Variants in KIAA1217 observed in about 807,000 individuals in gnomAD.
KIAA1217 encodes the protein sickle tail protein homolog.
A neutral mutation model predicts 163.9 loss-of-function variants in KIAA1217; 88 were observed. The ratio of observed to expected loss-of-function variants is 0.54; its 90% CI spans 0.45 to 0.64. The LOEUF (loss-of-function observed/expected upper bound fraction) is 0.64, where lower values mean the gene tolerates loss of function less well. Among genes scored for constraint, KIAA1217 ranks in the 30% least tolerant of loss-of-function variants. The probability of loss-of-function intolerance (pLI) is 0.00; values close to 1 mark genes in which losing one functional copy is unlikely to be tolerated. For synonymous variants in KIAA1217, 903 were observed against 923.1 expected, an observed-to-expected ratio of 0.98 and a Z score of 0.39; for missense variants, 2,372 against 2,475.0, an observed-to-expected ratio of 0.96 and a Z score of 0.88.
chr10:24,261,227 G>A (rs755475341), intron 2 of KIAA1217, among the ~76,000 whole-genome samples: 6 of 152,104 alleles, frequency 3.9e-5, no homozygotes, highest in Non-Finnish European at 7.3e-5. Context: ...GCCAGGTGTG[G>A]TGGCTCATGA....
intron 1 of KIAA1217, among the ~76,000 whole-genome samples, chr10:23,778,684 A>G (rs1835115348): frequency 6.6e-6 from 1 of 152,182 alleles, no homozygotes; most frequent in Non-Finnish European, 1.5e-5. Flanking sequence ...TTTGGGGCCA[A>G]TTGCTATAGA....
At chr10:24,335,584 T>TTTTATTTA (rs58982993) in intron 2 of KIAA1217, among the ~76,000 whole-genome samples, 37,800 of 138,166 alleles carry the variant, frequency 0.27, 5,621 homozygotes, top group East Asian at 0.41. Context: ...TTTTATCTTA[T>TTTTATTTA]TTTATTTATT....
At position 24,521,921 on chromosome 10, in the gene KIAA1217, G is replaced by T; in HGVS notation, c.2448G>T (p.Met816Ile). Residue 816 changes from methionine to isoleucine, a missense_variant, in exon 12 of 21, where the codon ATG becomes ATT. Around this residue, in one of 3 missense-constraint regions of KIAA1217, gnomAD observed 1,431 missense variants for 1,470.3 expected, o/e 0.97. Coordinates refer to ENST00000376454, the MANE Select transcript of KIAA1217 (RefSeq NM_019590.5). ...RVRSMTDVLT[M>I]LRRHVTDGLL... is the part of the protein sequence containing the mutation. ...GCAGCATGACAGACGTCCTGACCAT[G>T]CTGCGGAGGTGACCGGGCCCTCATC... 6.2e-7 allele frequency: 1 copy of T among 1,607,562 alleles called. No homozygotes were observed.
At chr10:23,803,230 T>C (rs965242093) in intron 1 of KIAA1217, among the ~76,000 whole-genome samples, 7 of 152,186 alleles carry the variant, frequency 4.6e-5, no homozygotes, top group African/African-American at 1.7e-4. Context: ...GATTCATAAA[T>C]CTCTTGTAGT....
rs75288712 is a variant in KIAA1217 at position 24,235,107 on chromosome 10, C to T, written c.354+15198C>T. On this transcript the variant is annotated intron_variant, in intron 2 of 20. Transcript: ENST00000376454. ...CTTTGGGGGACCTCAGTCTTTGCTT[C>T]TAAGGTCTTCAACTGATTAAATGAG... 3.9e-3 allele frequency among the ~76,000 whole-genome samples: 588 copies of T among 152,304 alleles called. 9 individuals are homozygous for T. In the East Asian group the frequency reaches 0.053, roughly 14 times the overall value.
intron 1 of KIAA1217, among the ~76,000 whole-genome samples, chr10:23,744,971 C>A (rs1839316805): frequency 1.3e-5 from 2 of 152,102 alleles, no homozygotes; most frequent in Non-Finnish European, 2.9e-5. Flanking sequence ...CTGCTGTATT[C>A]AAAGTTCACT....
At chr10:24,457,312 G>A (rs537290552) in intron 5 of KIAA1217, among the ~76,000 whole-genome samples, 1 of 150,534 alleles carries the variant, frequency 6.6e-6, no homozygotes, top group Non-Finnish European at 1.5e-5. Flanking sequence ...AGCTCTTGGT[G>A]CTAATCAAGA....
chr10:23,753,377 C>T (rs1312264675), intron 1 of KIAA1217, among the ~76,000 whole-genome samples: 1 of 152,176 alleles, frequency 6.6e-6, no homozygotes, highest in Non-Finnish European at 1.5e-5. Flanking sequence ...GAGCTTTGCA[C>T]TGTACGAAGC....
intron 2 of KIAA1217, among the ~76,000 whole-genome samples, chr10:24,117,239 G>A (rs1422293087): frequency 6.6e-6 from 1 of 152,108 alleles, no homozygotes; most frequent in Non-Finnish European, 1.5e-5. Flanking sequence ...GTTTCCACAT[G>A]TTGGTCAGGC....
At chr10:24,370,774 A>G (rs2051527463) in intron 2 of KIAA1217, among the ~76,000 whole-genome samples, 1 of 152,040 alleles carries the variant, frequency 6.6e-6, no homozygotes, top group South Asian at 2.1e-4. Flanking sequence ...TTTTGTAGAG[A>G]TGGGACGTTG....
chr10:23,753,051 C>T (rs1160684841), intron 1 of KIAA1217, among the ~76,000 whole-genome samples: 1 of 152,278 alleles, frequency 6.6e-6, no homozygotes, highest in Non-Finnish European at 1.5e-5. Flanking sequence ...GATAGATGCT[C>T]TGCGTTTTGG....
intron 2 of KIAA1217, among the ~76,000 whole-genome samples, chr10:24,075,163 CA>C (rs1469259648): frequency 2.7e-5 from 4 of 149,048 alleles, no homozygotes; most frequent in African/African-American, 7.7e-5. Context: ...CACACACACA[CA>C]CCCCTTCCTC....
At chr10:23,776,350 A>G (rs879360214) in intron 1 of KIAA1217, among the ~76,000 whole-genome samples, 1 of 150,922 alleles carries the variant, frequency 6.6e-6, no homozygotes, top group Non-Finnish European at 1.5e-5. Flanking sequence ...ATATATATAT[A>G]TATATATATT....
rs1282754782 is a variant in KIAA1217 at position 24,267,285 on chromosome 10, C to A, written c.354+47376C>A. On this transcript the variant is annotated intron_variant, in intron 2 of 20. Coordinates refer to ENST00000376454, the MANE Select transcript of KIAA1217 (RefSeq NM_019590.5). ...GACTTATAAAGACCACTTGTGGTCT[C>A]TCAAGGAGTCTGTTGGCAGAGACTG... 1.3e-5 allele frequency among the ~76,000 whole-genome samples: 2 copies of A among 152,128 alleles called. 1 individual carries two copies. The highest frequency in any genetic ancestry group is 4.1e-4 in the South Asian group (2 of 4,828).
chr10:24,141,067 TA>T (rs2064045975), intron 2 of KIAA1217, among the ~76,000 whole-genome samples: 1 of 152,160 alleles, frequency 6.6e-6, no homozygotes, highest in Admixed American at 6.5e-5. Context: ...CAATTCAAAC[TA>T]CCATTGAAAT....
At chr10:24,063,462 T>G (rs531769311) in intron 2 of KIAA1217, among the ~76,000 whole-genome samples, 10 of 152,302 alleles carry the variant, frequency 6.6e-5, no homozygotes, top group African/African-American at 1.9e-4. Flanking sequence ...ATGTGTGGTA[T>G]TATTTCTGAG....
intron 1 of KIAA1217, among the ~76,000 whole-genome samples, chr10:23,730,850 A>G (rs78175428): frequency 0.02 from 3,096 of 152,290 alleles, 98 homozygotes; most frequent in African/African-American, 0.07. Flanking sequence ...TTGTATTCTG[A>G]AACCTTGCTA....
chr10:24,039,926 C>A (rs1275307085), intron 2 of KIAA1217, among the ~76,000 whole-genome samples: 1 of 152,104 alleles, frequency 6.6e-6, no homozygotes, highest in African/African-American at 2.4e-5. Flanking sequence ...ATAGCATAAT[C>A]CCCTTGATTT....
chr10:23,924,544 C>A (rs1056282811), intron 1 of KIAA1217, among the ~76,000 whole-genome samples: 7 of 152,122 alleles, frequency 4.6e-5, no homozygotes, highest in Non-Finnish European at 8.8e-5. Context: ...CTTAAGGTCA[C>A]CTTATTTGTC....
Sources: allele counts gnomAD v4.1 joint callset (sites outside exome capture counted in the v4.1 genomes callset), GRCh38; gene constraint gnomAD v4.1.1; regional missense constraint gnomAD v4.1.1; transcripts MANE v1.5; gene names NCBI Gene and HGNC (gene_info 2026-07-23, HGNC 2026-07-21).